EML4: variants seen among roughly 807,000 people sequenced by gnomAD.
EML4 encodes the protein EMAP like 4, also known as echinoderm microtubule-associated protein-like 4.
In EML4, 72 loss-of-function variants were observed where a neutral mutation model predicts 129.0. The observed-to-expected ratio is 0.56, with a 90% CI of 0.46 to 0.68. EML4 has a LOEUF of 0.68. EML4 is among the 30% of genes least tolerant of loss of function. The probability of loss-of-function intolerance (pLI) is 0.00; values close to 1 mark genes in which losing one functional copy is unlikely to be tolerated. For synonymous variants in EML4, 532 were observed against 405.0 expected, an observed-to-expected ratio of 1.31 and a Z score of -3.77; for missense variants, 1,363 against 1,190.6, an observed-to-expected ratio of 1.14 and a Z score of -2.13.
intron 1 of EML4, among the ~76,000 whole-genome samples, chr2:42,184,114 A>G (rs560532926): frequency 2.6e-5 from 4 of 152,246 alleles, no homozygotes; most frequent in Non-Finnish European, 4.4e-5. Flanking sequence ...TGTCACAGCA[A>G]CAAAGAAAGA....
At position 42,332,118 on chromosome 2, in the gene EML4, T is replaced by C. The variant is rs1423999707; in HGVS notation, c.*1911T>C. On this transcript the variant is annotated 3_prime_UTR_variant, in exon 23 of 23. Transcript: ENST00000318522. ...CATGTGCTATACTCCCTGCAAGAAATATACTGACATGAACAGGCAGTTCTT... is the reference window on the plus strand; with the variant it reads ...CATGTGCTATACTCCCTGCAAGAAACATACTGACATGAACAGGCAGTTCTT... 4.5e-6 allele frequency: 1 copy of C among 220,748 alleles called. No homozygotes were observed. Among genetic ancestry groups the C allele is most frequent in the Non-Finnish European group, 9.1e-6 (1 of 110,284 alleles). 13.7% of individuals were successfully genotyped at this position (220,748 alleles called of 1,614,324 possible).
At chr2:42,316,342 A>C (rs1669243412) in intron 18 of EML4, among the ~76,000 whole-genome samples, 3 of 152,242 alleles carry the variant, frequency 2.0e-5, no homozygotes, top group Non-Finnish European at 2.9e-5. Flanking sequence ...ACATACTTAG[A>C]ATTTTGAATA....
intron 1 of EML4, among the ~76,000 whole-genome samples, chr2:42,200,990 G>A (rs1672198759): frequency 2.0e-5 from 3 of 152,114 alleles, no homozygotes; most frequent in South Asian, 4.1e-4. Flanking sequence ...TAAGTGAATT[G>A]CATCCTCTAA....
chr2:42,244,527 T>C (rs546028262), intron 1 of EML4, among the ~76,000 whole-genome samples: 1 of 152,358 alleles, frequency 6.6e-6, no homozygotes, highest in African/African-American at 2.4e-5. Context: ...GAATAGTCTT[T>C]CTCTTGTTGC....
chr2:42,302,724 G>A lies in EML4; in HGVS notation c.1642-380G>A, dbSNP rs556693608. Among the ~76,000 whole-genome samples the A allele has an allele frequency of 7.8e-4, 119 of 152,098 alleles. 1 individual carries two copies. Among genetic ancestry groups the A allele is most frequent in the Middle Eastern group, 3.4e-3 (1 of 294 alleles). ...GATTTTTATATTTTTAGTAGAGACA[G>A]GGTTTCACCATGTTGGCCAGGCTGG... is the stretch of plus-strand genomic sequence containing the variant. On this transcript the variant is annotated intron_variant, in intron 14 of 22. Transcript: ENST00000318522.
In EML4 at chr2:42,286,310, A is replaced by T; in HGVS notation, c.1053A>T (p.Leu351=). The T allele has an allele frequency of 1.2e-6, 2 of 1,613,992 alleles. No individual in the cohort carries two copies. Among genetic ancestry groups the T allele is most frequent in the Non-Finnish European group, 1.7e-6 (2 of 1,179,880 alleles). Residue 351 remains leucine (L), a synonymous_variant, in exon 10 of 23, where the codon CTA becomes CTT. Coordinates refer to ENST00000318522, the MANE Select transcript of EML4 (RefSeq NM_019063.5). ...PHVRVWDSVT[L]STLQIIGLGT... ...TCAGAGTGTGGGATTCTGTTACTCTATCCACACTGCAGATTATTGGACTTG... is the reference window on the plus strand; with the variant it reads ...TCAGAGTGTGGGATTCTGTTACTCTTTCCACACTGCAGATTATTGGACTTG...
chr2:42,181,098 C>T (rs922688074), intron 1 of EML4, among the ~76,000 whole-genome samples: 3 of 152,200 alleles, frequency 2.0e-5, no homozygotes, highest in Admixed American at 1.3e-4. Flanking sequence ...ATTCTGATCA[C>T]TTGGTGTCTG....
At chr2:42,264,939 A>G in intron 6 of EML4, 1 of 1,550,460 alleles carries the variant, frequency 6.4e-7, no homozygotes, top group Non-Finnish European at 8.7e-7. Context: ...AACTCGCGAA[A>G]AAAACAGCCA....
chr2:42,253,765 G>A (rs1251364897), intron 2 of EML4, among the ~76,000 whole-genome samples: 2 of 152,060 alleles, frequency 1.3e-5, no homozygotes, highest in African/African-American at 2.4e-5. Flanking sequence ...CTCACCTCAC[G>A]CCATAAACAA....
At chr2:42,325,202 G>GT (rs751531594) in intron 19 of EML4, 34 of 553,370 alleles carry the variant, frequency 6.1e-5, no homozygotes, top group Admixed American at 1.3e-4. Context: ...TAAGATACAA[G>GT]TTTAAGAGAC....
At chr2:42,250,126 C>T (rs1028015947) in intron 2 of EML4, among the ~76,000 whole-genome samples, 48 of 152,088 alleles carry the variant, frequency 3.2e-4, no homozygotes, top group African/African-American at 1.1e-3. Context: ...CACAATGATA[C>T]GGAAGTTAAA....
intron 1 of EML4, among the ~76,000 whole-genome samples, chr2:42,175,988 A>G (rs1349263597): frequency 6.8e-6 from 1 of 147,106 alleles, no homozygotes; most frequent in East Asian, 2.0e-4. Context: ...TTTTCGTTGG[A>G]TCCTAACCTT....
rs548342193 is a variant in EML4 at position 42,213,475 on chromosome 2, G to A, written c.26-32030G>A. Among the ~76,000 whole-genome samples, 12 of 152,258 alleles carry A rather than the reference G, an allele frequency of 7.9e-5. No individual in the cohort carries two copies. The South Asian group carries it at 2.5e-3, about 32-fold the overall frequency. Reference sequence around the variant, plus strand: ...CCCAGTCTCCTGTTGGACTAACCATGAAGAAAAAATAAAATAAAATGAACT... The same window carrying A: ...CCCAGTCTCCTGTTGGACTAACCATAAAGAAAAAATAAAATAAAATGAACT... On this transcript the variant is annotated intron_variant, in intron 1 of 22. Coordinates refer to ENST00000318522, the MANE Select transcript of EML4 (RefSeq NM_019063.5).
In EML4 at chr2:42,322,017, C is replaced by T. The variant is rs1572756925; in HGVS notation, c.2155-3450C>T. On this transcript the variant is annotated intron_variant, in intron 19 of 22. Transcript: ENST00000318522. ...TTTGATATGATCTTCAGATTTTCAA[C>T]ATATTTATGGGATTAATAAAATAGT... 2.6e-5 allele frequency among the ~76,000 whole-genome samples: 4 copies of T among 152,310 alleles called. No individual in the cohort carries two copies. In the East Asian group the frequency reaches 7.7e-4, roughly 29 times the overall value.
At chr2:42,246,303 A>T (rs1408484987) in intron 2 of EML4, among the ~76,000 whole-genome samples, 1 of 152,206 alleles carries the variant, frequency 6.6e-6, no homozygotes, top group African/African-American at 2.4e-5. Flanking sequence ...GAAAGAATTT[A>T]TTATTCTTTC....
chr2:42,299,507 A>G (rs1024789608), intron 13 of EML4, among the ~76,000 whole-genome samples: 32 of 152,058 alleles, frequency 2.1e-4, no homozygotes, highest in African/African-American at 7.2e-4. Context: ...ATCACCCCAA[A>G]AAGAAAGCCT....
chr2:42,330,409 A>T lies in EML4; in HGVS notation c.*202A>T. ...TTAGTTTGGTGTTTATTGAAAATTA[A>T]CCAAACTTAATACTAGGAGAAGACT... On this transcript the variant is annotated 3_prime_UTR_variant, in exon 23 of 23. Transcript: ENST00000318522. The T allele has an allele frequency of 1.5e-6, 1 of 652,990 alleles. No homozygotes were observed. Among genetic ancestry groups the T allele is most frequent in the Non-Finnish European group, 2.8e-6 (1 of 361,516 alleles). The allele number at this position is 652,990 out of a possible 1,614,324, so 40.4% of individuals were successfully genotyped here.
In EML4 at chr2:42,330,619, C is replaced by CT. The variant is rs553903131; in HGVS notation, c.*428dup. 5,044 of 205,900 alleles carry CT rather than the reference C, an allele frequency of 0.024. 8 individuals carry two copies. The highest frequency in any genetic ancestry group is 0.038 in the South Asian group (331 of 8,666). The allele number at this position is 205,900 out of a possible 1,614,324, so 12.8% of individuals were successfully genotyped here. ...TCATCTACTGGCTCAGACTGTACTA[C>CT]TTTTTTTTTTTTTTTTCCTGAAAAA... On this transcript the variant is annotated 3_prime_UTR_variant, in exon 23 of 23. Transcript: ENST00000318522.
At chr2:42,321,583 C>T (rs1253388623) in intron 19 of EML4, among the ~76,000 whole-genome samples, 1 of 151,988 alleles carries the variant, frequency 6.6e-6, no homozygotes, top group Non-Finnish European at 1.5e-5. Context: ...GAGCAAGTGA[C>T]AAAAGAGCAC....
Sources: gnomAD v4.1 joint callset for allele counts (sites outside exome capture counted in the v4.1 genomes callset) on GRCh38, gnomAD v4.1.1 for gene constraint, MANE v1.5 for transcripts, NCBI Gene and HGNC (gene_info 2026-07-23, HGNC 2026-07-21) for gene names.